ST6GALNAC3: variants seen among roughly 807,000 people sequenced by gnomAD.
ST6GALNAC3 encodes the protein ST6 N-acetylgalactosaminide alpha-2,6-sialyltransferase 3, also known as alpha-N-acetylgalactosaminide alpha-2,6-sialyltransferase 3.
ST6GALNAC3 carries 25 observed loss-of-function variants against 32.7 expected under a neutral mutation model. The observed-to-expected ratio is 0.76, with a 90% confidence interval of 0.56 to 1.07. The LOEUF (loss-of-function observed/expected upper bound fraction) is 1.07. Among genes scored for constraint, ST6GALNAC3 ranks in the 50% least tolerant of loss-of-function variants. The pLI is 0.00. For missense variants in ST6GALNAC3, 355 were observed against 382.4 expected (o/e 0.93, Z 0.60); for synonymous variants, 129 against 133.1 (o/e 0.97, Z 0.21).
chr1:76,575,362 G>A (rs1326020084), intron 3 of ST6GALNAC3, among the ~76,000 whole-genome samples: 2 of 152,046 alleles, frequency 1.3e-5, no homozygotes, highest in Non-Finnish European at 2.9e-5. Flanking sequence ...AAGAGAACAG[G>A]TTTTATTCAT....
chr1:76,322,308 C>G (rs1646982470), intron 2 of ST6GALNAC3, among the ~76,000 whole-genome samples: 1 of 152,110 alleles, frequency 6.6e-6, no homozygotes, highest in Non-Finnish European at 1.5e-5. Flanking sequence ...TAACCAAATA[C>G]CAAATATTTT....
At chr1:76,597,677 G>A (rs1212564197) in intron 3 of ST6GALNAC3, among the ~76,000 whole-genome samples, 4 of 152,062 alleles carry the variant, frequency 2.6e-5, no homozygotes, top group African/African-American at 4.8e-5. Flanking sequence ...GACTTAACAA[G>A]CAAATGCACT....
intron 3 of ST6GALNAC3, among the ~76,000 whole-genome samples, chr1:76,549,053 G>C (rs1341127179): frequency 6.6e-6 from 1 of 152,084 alleles, no homozygotes; most frequent in East Asian, 1.9e-4. Context: ...GGAAAAACAG[G>C]ATTCTGGTTA....
At position 76,629,398 on chromosome 1, in the gene ST6GALNAC3, A is replaced by G. The variant is rs1339465413; in HGVS notation, c.*592A>G. On this transcript the variant is annotated 3_prime_UTR_variant, in exon 5 of 5. Coordinates refer to ENST00000328299, the MANE Select transcript of ST6GALNAC3 (RefSeq NM_152996.4). ...CAGGCCATTGCCTAATTAACAATGA[A>G]GATTTCATGGACATCCTACACTTCA... 1.3e-5 allele frequency: 13 copies of G among 985,472 alleles called. No individual in the cohort carries two copies. The South Asian group carries it at 1.4e-4, about 11-fold the overall frequency. 61.0% of individuals were successfully genotyped at this position (985,472 alleles called of 1,614,324 possible).
Position 76,600,905 on chromosome 1 carries a change from G to A in ST6GALNAC3, c.624-26547G>A, listed in dbSNP as rs1013203576. On this transcript the variant is annotated intron_variant, in intron 3 of 4. Transcript: ENST00000328299. ...ACCTAAAAAATATTCCCTTTTGGTG[G>A]GGCATGGTCACTCACGCCTGTAATC... Among the ~76,000 whole-genome samples the A allele has an allele frequency of 5.9e-5, 9 of 152,164 alleles. No individual in the cohort carries two copies. In the East Asian group the frequency reaches 1.7e-3, roughly 29 times the overall value.
chr1:76,308,991 C>G (rs983052246), intron 1 of ST6GALNAC3, among the ~76,000 whole-genome samples: 1 of 152,138 alleles, frequency 6.6e-6, no homozygotes, highest in Non-Finnish European at 1.5e-5. Flanking sequence ...AAATTAATGG[C>G]CTTTCAAACT....
chr1:76,156,801 G>T (rs1392567122), intron 1 of ST6GALNAC3, among the ~76,000 whole-genome samples: 1 of 152,122 alleles, frequency 6.6e-6, no homozygotes, highest in African/African-American at 2.4e-5. Context: ...GCGCGATCTT[G>T]GCTCACTGCA....
chr1:76,300,874 G>A (rs937369672), intron 1 of ST6GALNAC3, among the ~76,000 whole-genome samples: 1 of 151,904 alleles, frequency 6.6e-6, no homozygotes, highest in African/African-American at 2.4e-5. Flanking sequence ...TCACAGAGGA[G>A]ACAACATTTG....
At chr1:76,286,118 A>C (rs1281726398) in intron 1 of ST6GALNAC3, among the ~76,000 whole-genome samples, 3 of 152,186 alleles carry the variant, frequency 2.0e-5, no homozygotes, top group Non-Finnish European at 4.4e-5. Context: ...AATATGTCTG[A>C]AGAGTAACAG....
chr1:76,628,841 G>A lies in ST6GALNAC3; in HGVS notation c.*35G>A, dbSNP rs781538633. 9 of 1,604,704 alleles carry A rather than the reference G, an allele frequency of 5.6e-6. No individual in the cohort carries two copies. Among genetic ancestry groups the A allele is most frequent in the Non-Finnish European group, 6.8e-6 (8 of 1,176,584 alleles). On this transcript the variant is annotated 3_prime_UTR_variant, in exon 5 of 5. Coordinates refer to ENST00000328299, the MANE Select transcript of ST6GALNAC3 (RefSeq NM_152996.4). ...TCCTGATCTTGCCGCATCACTTAATGTGATCCCCATACTGCAACTGTGATG... is the reference window on the plus strand; with the variant it reads ...TCCTGATCTTGCCGCATCACTTAATATGATCCCCATACTGCAACTGTGATG...
At chr1:76,522,214 A>G (rs1455678682) in intron 3 of ST6GALNAC3, among the ~76,000 whole-genome samples, 11 of 150,536 alleles carry the variant, frequency 7.3e-5, no homozygotes, top group Non-Finnish European at 1.6e-4. Flanking sequence ...TTCTTTTATG[A>G]TTTATTTTAC....
intron 3 of ST6GALNAC3, among the ~76,000 whole-genome samples, chr1:76,543,519 C>G (rs1014600224): frequency 1.3e-5 from 2 of 152,120 alleles, no homozygotes. Context: ...ATAAATTATT[C>G]CAAAATGCAA....
intron 2 of ST6GALNAC3, among the ~76,000 whole-genome samples, chr1:76,366,715 CA>C (rs5775344): frequency 0.92 from 139,960 of 152,164 alleles, 64,698 homozygotes; most frequent in South Asian, 0.97. Flanking sequence ...CCTGGTCTGG[CA>C]AAAAAATACA....
At chr1:76,359,515 G>C (rs183490192) in intron 2 of ST6GALNAC3, among the ~76,000 whole-genome samples, 1 of 152,302 alleles carries the variant, frequency 6.6e-6, no homozygotes, top group Admixed American at 6.5e-5. Flanking sequence ...AGTTAGCAGA[G>C]AGGCCTGGAA....
chr1:76,407,050 C>A (rs746409607), intron 2 of ST6GALNAC3, among the ~76,000 whole-genome samples: 3 of 152,020 alleles, frequency 2.0e-5, no homozygotes, highest in Non-Finnish European at 2.9e-5. Flanking sequence ...CTCTCTCTCA[C>A]CTTCTACCTG....
At chr1:76,428,148 C>T (rs941999243) in intron 3 of ST6GALNAC3, among the ~76,000 whole-genome samples, 2 of 152,032 alleles carry the variant, frequency 1.3e-5, no homozygotes, top group Non-Finnish European at 2.9e-5. Context: ...TAATAAATTT[C>T]TCCCACTCTT....
intron 1 of ST6GALNAC3, among the ~76,000 whole-genome samples, chr1:76,291,295 T>A (rs1660072287): frequency 6.6e-6 from 1 of 152,256 alleles, no homozygotes; most frequent in Non-Finnish European, 1.5e-5. Flanking sequence ...CTGCAGTGCC[T>A]GCAGGCAGGG....
At chr1:76,112,954 G>A (rs1470967296) in intron 1 of ST6GALNAC3, among the ~76,000 whole-genome samples, 1 of 152,174 alleles carries the variant, frequency 6.6e-6, no homozygotes, top group Non-Finnish European at 1.5e-5. Flanking sequence ...GGCAGAGGCT[G>A]CAATCTCGGC....
intron 3 of ST6GALNAC3, among the ~76,000 whole-genome samples, chr1:76,620,658 G>A (rs79493487): frequency 0.016 from 2,498 of 152,048 alleles, 33 homozygotes; most frequent in Middle Eastern, 0.037. Flanking sequence ...CTCATCATAT[G>A]ACAACTCACC....
Sources: allele counts gnomAD v4.1 joint callset (sites outside exome capture counted in the v4.1 genomes callset), GRCh38; gene constraint gnomAD v4.1.1; transcripts MANE v1.5; gene names NCBI Gene and HGNC (gene_info 2026-07-23, HGNC 2026-07-21).